The following INPP4B variants were observed in gnomAD, a reference collection of about 807,000 sequenced individuals.
INPP4B encodes inositol polyphosphate-4-phosphatase type II B, also known as inositol polyphosphate 4-phosphatase type II.
In INPP4B, 55 loss-of-function variants were observed where a neutral mutation model predicts 122.5. That is an observed-to-expected ratio of 0.45 (90% CI 0.36 to 0.56). The LOEUF is 0.56. INPP4B is among the 20% of genes least tolerant of loss of function. The probability of loss-of-function intolerance (pLI) is 0.00; values close to 1 mark genes in which losing one functional copy is unlikely to be tolerated. For synonymous variants in INPP4B, 403 were observed against 388.7 expected (o/e 1.04, Z -0.43); for missense variants, 1,000 against 1,097.7 (o/e 0.91, Z 1.26).
intron 5 of INPP4B, among the ~76,000 whole-genome samples, chr4:142,415,412 C>T (rs546803045): frequency 1.3e-5 from 2 of 152,248 alleles, no homozygotes; most frequent in South Asian, 4.1e-4. Flanking sequence ...AAATGCTCAT[C>T]AACACTGGCC....
intron 1 of INPP4B, among the ~76,000 whole-genome samples, chr4:142,726,591 T>C (rs774221770): frequency 4.6e-5 from 7 of 152,196 alleles, no homozygotes; most frequent in African/African-American, 1.2e-4. Context: ...AATGTTCAGA[T>C]TGGAGGATAC....
At chr4:142,602,720 G>A (rs150996380) in intron 2 of INPP4B, among the ~76,000 whole-genome samples, 1 of 152,276 alleles carries the variant, frequency 6.6e-6, no homozygotes, top group African/African-American at 2.4e-5. Flanking sequence ...AATAATAGAT[G>A]CTGGTGACAT....
intron 11 of INPP4B, among the ~76,000 whole-genome samples, chr4:142,253,327 T>C (rs1242201935): frequency 6.6e-6 from 1 of 152,134 alleles, no homozygotes; most frequent in African/African-American, 2.4e-5. Flanking sequence ...CTTTTCTTTC[T>C]TCAATAATAA....
At chr4:142,425,474 G>A (rs1807836164) in intron 5 of INPP4B, among the ~76,000 whole-genome samples, 1 of 151,382 alleles carries the variant, frequency 6.6e-6, no homozygotes, top group Non-Finnish European at 1.5e-5. Context: ...TTTCATTCCT[G>A]GTCAAATCAC....
At chr4:142,263,223 G>A (rs1740928292) in intron 10 of INPP4B, among the ~76,000 whole-genome samples, 1 of 152,162 alleles carries the variant, frequency 6.6e-6, no homozygotes, top group Non-Finnish European at 1.5e-5. Flanking sequence ...GACTTTTCCT[G>A]TCTCAAGCAA....
chr4:142,662,484 G>A (rs932282320), intron 2 of INPP4B, among the ~76,000 whole-genome samples: 7 of 152,030 alleles, frequency 4.6e-5, no homozygotes, highest in Non-Finnish European at 7.4e-5. Flanking sequence ...TTGATGACGC[G>A]GGGAGGTGGC....
At chr4:142,254,094 G>C (rs556523718) in intron 11 of INPP4B, among the ~76,000 whole-genome samples, 107 of 152,222 alleles carry the variant, frequency 7.0e-4, no homozygotes, top group South Asian at 5.2e-3. Context: ...AGCAGGGGCA[G>C]ACTGACACCT....
At chr4:142,597,845 T>A (rs1241904894) in intron 2 of INPP4B, among the ~76,000 whole-genome samples, 1 of 152,062 alleles carries the variant, frequency 6.6e-6, no homozygotes, top group East Asian at 1.9e-4. Context: ...TAAACAAAAA[T>A]TTACAGTTTG....
At chr4:142,838,901 C>T (rs1483674196) in intron 1 of INPP4B, among the ~76,000 whole-genome samples, 1 of 152,216 alleles carries the variant, frequency 6.6e-6, no homozygotes, top group Non-Finnish European at 1.5e-5. Flanking sequence ...AACACACTCA[C>T]CACAGACTGC....
intron 9 of INPP4B, among the ~76,000 whole-genome samples, chr4:142,302,989 G>A (rs570039246): frequency 1.3e-5 from 2 of 152,180 alleles, no homozygotes; most frequent in East Asian, 1.9e-4. Context: ...TTATACATCA[G>A]AGGCATTTTC....
intron 2 of INPP4B, among the ~76,000 whole-genome samples, chr4:142,537,030 T>C (rs1369258196): frequency 6.6e-6 from 1 of 151,764 alleles, no homozygotes; most frequent in African/African-American, 2.4e-5. Context: ...CTCTTGACCT[T>C]GTGATCCACC....
At chr4:142,102,070 C>A (rs1261907492) in intron 23 of INPP4B, among the ~76,000 whole-genome samples, 2 of 151,956 alleles carry the variant, frequency 1.3e-5, no homozygotes, top group Non-Finnish European at 2.9e-5. Flanking sequence ...CCAATGGAGT[C>A]CTTTTACTTT....
chr4:142,202,120 A>AT lies in INPP4B; in HGVS notation c.1072+6304dup, dbSNP rs1840885140. ...AATTGCATAGTATCCAAAGTAATAG[A>AT]TAAAAAGTAATAGATAAGTAGAATT... On this transcript the variant is annotated intron_variant, in intron 14 of 25. Transcript: ENST00000262992. 2.0e-5 allele frequency among the ~76,000 whole-genome samples: 3 copies of AT among 152,080 alleles called. No individual in the cohort carries two copies. In the South Asian group the frequency reaches 6.2e-4, roughly 31 times the overall value.
intron 7 of INPP4B, among the ~76,000 whole-genome samples, chr4:142,365,518 A>C (rs990942226): frequency 2.6e-5 from 4 of 152,140 alleles, no homozygotes; most frequent in African/African-American, 7.2e-5. Flanking sequence ...CTTCTTTTAC[A>C]CTCAGATGTG....
intron 7 of INPP4B, among the ~76,000 whole-genome samples, chr4:142,396,692 C>G (rs1057006793): frequency 6.6e-6 from 1 of 151,728 alleles, no homozygotes; most frequent in South Asian, 2.1e-4. Context: ...TGTCAAAAAC[C>G]GGAAGCAACA....
rs142859303 is a variant in INPP4B, at chr4:142,438,671, C to T, written c.-126-7286G>A. Among the ~76,000 whole-genome samples, 821 of 152,144 alleles carry T rather than the reference C, an allele frequency of 5.4e-3. 5 individuals are homozygous for T. Among genetic ancestry groups the T allele is most frequent in the African/African-American group, 0.019 (784 of 41,496 alleles). ...AGATTTTATGATGAAATTGCCAAAA[C>T]AACTGCAACAAAAGCAAAATTGACA... On this transcript the variant is annotated intron_variant, in intron 3 of 25. Transcript: ENST00000262992.
At chr4:142,421,560 T>C (rs1486752320) in intron 5 of INPP4B, among the ~76,000 whole-genome samples, 1 of 152,146 alleles carries the variant, frequency 6.6e-6, no homozygotes, top group African/African-American at 2.4e-5. Flanking sequence ...AATTATAGAA[T>C]ATTGCAAGAG....
At chr4:142,644,961 G>A (rs1015106795) in intron 2 of INPP4B, among the ~76,000 whole-genome samples, 3 of 146,982 alleles carry the variant, frequency 2.0e-5, no homozygotes, top group African/African-American at 5.0e-5. Context: ...TTAGCTTTAT[G>A]TATTAATTTA....
chr4:142,477,412 A>T (rs1395722592), intron 2 of INPP4B, among the ~76,000 whole-genome samples: 1 of 152,088 alleles, frequency 6.6e-6, no homozygotes, highest in Non-Finnish European at 1.5e-5. Context: ...ACCAACCCCA[A>T]CACTAGCAAA....
Sources: allele counts gnomAD v4.1 joint callset (sites outside exome capture counted in the v4.1 genomes callset), GRCh38; gene constraint gnomAD v4.1.1; transcripts MANE v1.5; gene names NCBI Gene and HGNC (gene_info 2026-07-23, HGNC 2026-07-21).